Variants in GLS observed in about 807,000 individuals in gnomAD.
GLS encodes the protein glutaminase kidney isoform, mitochondrial.
GLS carries 36 observed loss-of-function variants against 86.7 expected under a neutral mutation model. The observed-to-expected ratio is 0.42, with a 90% CI of 0.32 to 0.55. GLS has a LOEUF of 0.55. Among genes scored for constraint, GLS ranks in the 20% least tolerant of loss-of-function variants. The pLI is 0.17. For missense variants in GLS, 528 were observed against 833.4 expected (o/e 0.63, Z 4.51); for synonymous variants, 317 against 305.9 (o/e 1.04, Z -0.38).
rs1234534109 is a variant in GLS at position 190,963,993 on chromosome 2, T to C, written c.*1007T>C. On this transcript the variant is annotated 3_prime_UTR_variant, in exon 18 of 18. Coordinates refer to ENST00000320717, the MANE Select transcript of GLS (RefSeq NM_014905.5). ...CTGAAAGTATGGGAACTGCTACAAC[T>C]AACAAACATTTGTTTCCAAGCCTGT... is the stretch of plus-strand genomic sequence containing the variant. The C allele has an allele frequency of 6.6e-6, 1 of 152,160 alleles. No homozygotes were observed. Among genetic ancestry groups the C allele is most frequent in the African/African-American group, 2.4e-5 (1 of 41,436 alleles). 9.4% of individuals were successfully genotyped at this position (152,160 alleles called of 1,614,324 possible).
rs763993060 is a variant in GLS, at chr2:190,920,796, TTAAAA to T, written c.1039-223_1039-219del. Among the ~76,000 whole-genome samples, 10 of 151,738 alleles carry T rather than the reference TTAAAA, an allele frequency of 6.6e-5. No homozygotes were observed. The highest frequency in any genetic ancestry group is 2.1e-4 in the South Asian group (1 of 4,832). On this transcript the variant is annotated intron_variant, in intron 7 of 17. Coordinates refer to ENST00000320717, the MANE Select transcript of GLS (RefSeq NM_014905.5). This position sits in a 1 kb window ranked among gnomAD's most constrained non-coding sequence, Gnocchi z 4.2. Reference sequence around the variant, plus strand: ...AACTTTGGGTTGGGTAAAGATATACTTAAAATAAAGCATTCCCTTTGTAATTCTAA... The same window carrying T: ...AACTTTGGGTTGGGTAAAGATATACTTAAAGCATTCCCTTTGTAATTCTAA...
chr2:190,957,611 A>G (rs1408175874), intron 17 of GLS, among the ~76,000 whole-genome samples: 4 of 152,216 alleles, frequency 2.6e-5, no homozygotes, highest in Non-Finnish European at 4.4e-5. Flanking sequence ...GAGAGTTTTT[A>G]GCATGAAGGT....
chr2:190,932,231 C>T (rs1447129632), intron 14 of GLS, among the ~76,000 whole-genome samples: 2 of 151,900 alleles, frequency 1.3e-5, no homozygotes, highest in Admixed American at 1.3e-4. Flanking sequence ...TATTTGGCTT[C>T]ATACTATTGT....
intron 17 of GLS, among the ~76,000 whole-genome samples, chr2:190,960,258 G>A (rs184822095): frequency 2.0e-5 from 3 of 151,920 alleles, no homozygotes; most frequent in African/African-American, 7.2e-5. Context: ...GGTTTGATAT[G>A]TATTAGGAGT....
At chr2:190,931,194 A>G (rs1050477668) in intron 13 of GLS, among the ~76,000 whole-genome samples, 2 of 152,200 alleles carry the variant, frequency 1.3e-5, no homozygotes, top group African/African-American at 4.8e-5. Context: ...CTTGGAGTGC[A>G]TATAAAATAT....
In GLS at chr2:190,924,534, T is replaced by G; in HGVS notation, c.1198-9T>G. On this transcript the variant is annotated splice_polypyrimidine_tract_variant and intron_variant, in intron 10 of 17. Transcript: ENST00000320717. This position sits in a 1 kb window ranked among gnomAD's most constrained non-coding sequence, Gnocchi z 5.2. ...CCTGAATTTTTAATTGCCTTTCTGG[T>G]TTTTTTAGTGTTTTCCAGAAGGCAC... is the stretch of plus-strand genomic sequence containing the variant. The G allele has an allele frequency of 1.3e-6, 2 of 1,534,670 alleles. No homozygotes were observed. The highest frequency in any genetic ancestry group is 1.8e-6 in the Non-Finnish European group (2 of 1,107,760).
Position 190,954,609 on chromosome 2 carries a change from G to C in GLS, c.1738G>C (p.Glu580Gln). 2 of 1,613,230 alleles carry C rather than the reference G, an allele frequency of 1.2e-6. No homozygotes were observed. The highest frequency in any genetic ancestry group is 1.7e-6 in the Non-Finnish European group (2 of 1,179,302). The change falls in exon 16 of 18, where the codon GAA becomes CAA. Residue 580 changes from glutamate to glutamine, a missense_variant. By Grantham distance (29) the Glu-to-Gln change is conservative. Transcript: ENST00000320717. The surrounding 1 kb of genome is among the most constrained non-coding windows in gnomAD (Gnocchi z 4.0). ...RRFALSAMDM[E>Q]QRDYDSRTAL... is the part of the protein sequence containing the mutation. The stretch of plus-strand genomic sequence containing the variant: ...ATTTGCTTTGTCAGCTATGGACATG[G>C]AACAGCGGGACTATGATTCTAGAAC...
chr2:190,954,830 T>C lies in GLS; in HGVS notation c.1853+12T>C, dbSNP rs182977137. ...TTCCCCAAGGACAGGTGAGCACTTA[T>C]GTTACCTTCTAAATATGTCAGTATT... On this transcript the variant is annotated intron_variant, in intron 17 of 17. Transcript: ENST00000320717. The surrounding 1 kb of genome is among the most constrained non-coding windows in gnomAD (Gnocchi z 4.0). 5.6e-5 allele frequency: 87 copies of C among 1,561,486 alleles called. No individual in the cohort carries two copies. In the Admixed American group the frequency reaches 1.2e-3, roughly 22 times the overall value.
chr2:190,880,856 C>T lies in GLS; in HGVS notation c.-229C>T. The T allele has an allele frequency of 3.6e-6, 3 of 828,272 alleles. No homozygotes were observed. The highest frequency in any genetic ancestry group is 5.8e-6 in the Non-Finnish European group (3 of 515,362). 51.3% of individuals were successfully genotyped at this position (828,272 alleles called of 1,614,324 possible). A position where few individuals can be genotyped will look rare whatever the true frequency, so the allele number is the denominator to read the frequency against. ...CTTAGGCGGAGCGAAGAGAACCGGT[C>T]GCGGCAATCCTAGCGCGCAGCAGCA... On this transcript the variant is annotated 5_prime_UTR_variant, in exon 1 of 18. Coordinates refer to ENST00000320717, the MANE Select transcript of GLS (RefSeq NM_014905.5).
Position 190,880,958 on chromosome 2 carries a change from C to A in GLS, c.-127C>A. ...GCGGGAGTCCGAGCCGGAACCACAC[C>A]CAAGTAGCTGCCCTTTCCTCTTCTG... On this transcript the variant is annotated 5_prime_UTR_variant, in exon 1 of 18. Transcript: ENST00000320717. The A allele has an allele frequency of 8.7e-7, 1 of 1,147,622 alleles. No homozygotes were observed. The highest frequency in any genetic ancestry group is 1.2e-6 in the Non-Finnish European group (1 of 803,530). The allele number at this position is 1,147,622 out of a possible 1,614,324, so 71.1% of individuals were successfully genotyped here. A position where few individuals can be genotyped will look rare whatever the true frequency, so the allele number is the denominator to read the frequency against.
chr2:190,888,184 A>G (rs1262704920), intron 1 of GLS, among the ~76,000 whole-genome samples: 2 of 152,194 alleles, frequency 1.3e-5, no homozygotes, highest in South Asian at 2.1e-4. Context: ...CTACTCTTCT[A>G]ATATCCTGAT....
rs543168001 is a variant in GLS, at chr2:190,881,610, T to A, written c.386+140T>A. 21 of 816,442 alleles carry A rather than the reference T, an allele frequency of 2.6e-5. No individual in the cohort carries two copies. The African/African-American group carries it at 3.7e-4, about 14-fold the overall frequency. The allele number at this position is 816,442 out of a possible 1,614,324, so 50.6% of individuals were successfully genotyped here. On this transcript the variant is annotated intron_variant, in intron 1 of 17. Transcript: ENST00000320717. ...AAGAGGTGCCGGGCGGCCTGCGCCG[T>A]CTGCGCCATGTGATTAGGCCCGGCC...
chr2:190,961,481 C>T (rs1690998926), intron 17 of GLS, among the ~76,000 whole-genome samples: 2 of 152,128 alleles, frequency 1.3e-5, no homozygotes, highest in Admixed American at 6.5e-5. Context: ...ACAGGCATCA[C>T]TGTATCTGGC....
At chr2:190,944,844 C>A (rs13399044) in intron 14 of GLS, among the ~76,000 whole-genome samples, 28,677 of 152,036 alleles carry the variant, frequency 0.19, 3,487 homozygotes, top group East Asian at 0.46. Context: ...TTCTATTTGT[C>A]ATTTGTGATA....
chr2:190,900,491 T>C, intron 3 of GLS, 73 bp from the exon 4 acceptor site: 2 of 740,900 alleles, frequency 2.7e-6, no homozygotes, highest in Non-Finnish European at 4.3e-6. Flanking sequence ...AGTGTCCTAA[T>C]TATTACTGTT....
At chr2:190,881,507 T>A (rs78219026) in intron 1 of GLS, 37 bp downstream of exon 1, 2 of 1,523,410 alleles carry the variant, frequency 1.3e-6, no homozygotes, top group Non-Finnish European at 1.8e-6. Flanking sequence ...GCCTCGTTCC[T>A]TTCGGGGCCC....
Position 190,930,335 on chromosome 2 carries a change from G to C in GLS, c.1426-102G>C. On this transcript the variant is annotated intron_variant, in intron 12 of 17. Transcript: ENST00000320717. This position sits in a 1 kb window ranked among gnomAD's most constrained non-coding sequence, Gnocchi z 5.0. ...GGCCTCCCAAAGTGCTGAGATTACAGGAGTGAGCCATGGTGCCCAGCCCCA... is the reference window on the plus strand; with the variant it reads ...GGCCTCCCAAAGTGCTGAGATTACACGAGTGAGCCATGGTGCCCAGCCCCA... 1.2e-6 allele frequency: 1 copy of C among 849,304 alleles called. No individual in the cohort carries two copies. Among genetic ancestry groups the C allele is most frequent in the South Asian group, 1.4e-5 (1 of 69,446 alleles). The allele number at this position is 849,304 out of a possible 1,614,324, so 52.6% of individuals were successfully genotyped here.
At chr2:190,894,136 A>G (rs941871129) in intron 1 of GLS, among the ~76,000 whole-genome samples, 1 of 152,096 alleles carries the variant, frequency 6.6e-6, no homozygotes, top group African/African-American at 2.4e-5. Context: ...GTAGAATTTG[A>G]TGTATACAGT....
chr2:190,898,792 C>T (rs1177675010), intron 3 of GLS, among the ~76,000 whole-genome samples: 2 of 152,050 alleles, frequency 1.3e-5, no homozygotes, highest in African/African-American at 2.4e-5. Flanking sequence ...CCACCACGCC[C>T]GGCTAATTTT....
Sources: gnomAD v4.1 joint callset for allele counts (sites outside exome capture counted in the v4.1 genomes callset) on GRCh38, gnomAD v4.1.1 for gene constraint, Gnocchi (gnomAD v3.1) non-coding constraint, MANE v1.5 for transcripts, NCBI Gene and HGNC (gene_info 2026-07-23, HGNC 2026-07-21) for gene names.